Variants in ICE1 observed in about 807,000 individuals in gnomAD.
The protein encoded by ICE1 is little elongation complex subunit 1.
A neutral mutation model predicts 192.7 loss-of-function variants in ICE1; 64 were observed. The ratio of observed to expected loss-of-function variants is 0.33; its 90% CI spans 0.27 to 0.41. ICE1 has a LOEUF of 0.41. ICE1 is among the 10% of genes least tolerant of loss of function. ICE1 has a pLI of 1.00. For synonymous variants in ICE1, 1,010 were observed against 984.5 expected, an observed-to-expected ratio of 1.03 and a Z score of -0.49; for missense variants, 2,708 against 2,696.0, an observed-to-expected ratio of 1.00 and a Z score of -0.10.
intron 1 of ICE1, among the ~76,000 whole-genome samples, chr5:5,434,974 TTCAGTGTAAACCTCTG>T (rs1737827157): frequency 6.6e-6 from 1 of 152,228 alleles, no homozygotes; most frequent in Non-Finnish European, 1.5e-5. Flanking sequence ...CTTTACCTTT[TTCAGTGTAAACCTCTG>T]AAATGCATAA....
At chr5:5,435,684 G>GTTTTTTT (rs907007879) in intron 1 of ICE1, among the ~76,000 whole-genome samples, 4 of 116,634 alleles carry the variant, frequency 3.4e-5, no homozygotes, top group Admixed American at 1.1e-4. Flanking sequence ...TTTTGTTTTT[G>GTTTTTTT]TTTTTTTTTT....
At chr5:5,443,068 CTGTT>C (rs756479676) in intron 5 of ICE1, 96 bp from the exon 6 acceptor site, 7 of 635,644 alleles carry the variant, frequency 1.1e-5, no homozygotes, top group Non-Finnish European at 1.9e-5. Context: ...TGCCTAATGT[CTGTT>C]TATTTGGTTA....
chr5:5,486,380 A>G (rs1739639338), intron 17 of ICE1, among the ~76,000 whole-genome samples: 1 of 152,218 alleles, frequency 6.6e-6, no homozygotes, highest in Admixed American at 6.5e-5. Flanking sequence ...TCTGTAGACT[A>G]CACTTGAGAA....
At chr5:5,429,209 G>C (rs1237416109) in intron 1 of ICE1, among the ~76,000 whole-genome samples, 1 of 152,046 alleles carries the variant, frequency 6.6e-6, no homozygotes, top group Non-Finnish European at 1.5e-5. Context: ...TTTTACTGGG[G>C]GCTGGTCTTG....
intron 15 of ICE1, among the ~76,000 whole-genome samples, chr5:5,471,645 C>T (rs1322677030): frequency 6.6e-6 from 1 of 152,020 alleles, no homozygotes; most frequent in Non-Finnish European, 1.5e-5. Flanking sequence ...AAAATCAATA[C>T]ATTACTAAAT....
At chr5:5,468,096 G>A (rs531090758) in intron 14 of ICE1, among the ~76,000 whole-genome samples, 100 of 152,356 alleles carry the variant, frequency 6.6e-4, no homozygotes, top group African/African-American at 2.3e-3. Context: ...GACTACCAAT[G>A]CATGCAACAA....
intron 1 of ICE1, among the ~76,000 whole-genome samples, chr5:5,427,657 T>C (rs1000200564): frequency 6.6e-6 from 1 of 152,208 alleles, no homozygotes; most frequent in Non-Finnish European, 1.5e-5. Context: ...GTTTGGAACT[T>C]GAAACATTTT....
intron 17 of ICE1, among the ~76,000 whole-genome samples, chr5:5,479,082 A>G (rs1276425691): frequency 1.3e-5 from 2 of 152,104 alleles, no homozygotes; most frequent in African/African-American, 4.8e-5. Flanking sequence ...TGCAACAAAA[A>G]CCTGAATTGA....
intron 1 of ICE1, among the ~76,000 whole-genome samples, chr5:5,433,216 A>T (rs561219992): frequency 1.3e-5 from 2 of 152,300 alleles, no homozygotes; most frequent in East Asian, 3.9e-4. Context: ...CCCTGGTGTT[A>T]CAGAGACCTT....
chr5:5,472,281 A>G (rs549157939), intron 15 of ICE1, among the ~76,000 whole-genome samples: 18 of 152,336 alleles, frequency 1.2e-4, no homozygotes, highest in Middle Eastern at 3.4e-3. Flanking sequence ...TAAATATTCA[A>G]TGTTTACAAA....
chr5:5,462,401 G>A lies in ICE1; in HGVS notation c.3067G>A (p.Asp1023Asn). 1 of 1,614,056 alleles carries A rather than the reference G, an allele frequency of 6.2e-7. No homozygotes were observed. The highest frequency in any genetic ancestry group is 8.5e-7 in the Non-Finnish European group (1 of 1,179,910). ...GFSVEETSCG[D>N]TGRSGGEALA... is the part of the protein sequence containing the mutation. ...TTCTGTTGAAGAAACCAGCTGTGGAGACACAGGGAGATCTGGTGGTGAGGC... is the reference window on the plus strand; with the variant it reads ...TTCTGTTGAAGAAACCAGCTGTGGAAACACAGGGAGATCTGGTGGTGAGGC... The change falls in exon 13 of 19, where the codon GAC becomes AAC. Residue 1023 changes from aspartate (D) to asparagine (N), a missense_variant. Asp to Asn is a conservative substitution (Grantham distance 23). Transcript: ENST00000296564.
At chr5:5,438,938 C>T (rs1737957490) in intron 3 of ICE1, among the ~76,000 whole-genome samples, 1 of 152,146 alleles carries the variant, frequency 6.6e-6, no homozygotes, top group Non-Finnish European at 1.5e-5. Context: ...GTTGTTTGCT[C>T]TGCAACTTGA....
In ICE1 at chr5:5,468,938, GCTAAAGGAGAGGTT is replaced by G. The variant is rs752620457; in HGVS notation, c.6175_6188del (p.Lys2059GlufsTer8). The G allele has an allele frequency of 6.2e-7, 1 of 1,605,990 alleles. No individual in the cohort carries two copies. On this transcript the variant is annotated frameshift_variant, in exon 15 of 19. Coordinates refer to ENST00000296564, the MANE Select transcript of ICE1 (RefSeq NM_015325.3). LOFTEE classifies it high-confidence loss of function. ...AATGCAGTTAGTTGCCAGGCAACGTGCTAAAGGAGAGGTTCTGAACTGCTTGAGAGCTTTTCTTA... is the reference window on the plus strand; with the variant it reads ...AATGCAGTTAGTTGCCAGGCAACGTGCTGAACTGCTTGAGAGCTTTTCTTA...
chr5:5,426,183 C>T (rs1160520611), intron 1 of ICE1, among the ~76,000 whole-genome samples: 1 of 152,224 alleles, frequency 6.6e-6, no homozygotes, highest in Non-Finnish European at 1.5e-5. Flanking sequence ...AGCGGTGGCT[C>T]ATGCCTGTAA....
In ICE1 at chr5:5,422,704, C is replaced by T. The variant is rs1198101241; in HGVS notation, c.-212C>T. ...ACTGCGTCGCGCTCGGGGGCCGCGC[C>T]GGGTAGCGTTTCTTTTTAGTGCCTG... On this transcript the variant is annotated 5_prime_UTR_variant, in exon 1 of 19. Transcript: ENST00000296564. 16 of 347,818 alleles carry T rather than the reference C, an allele frequency of 4.6e-5. No homozygotes were observed. Among genetic ancestry groups the T allele is most frequent in the Non-Finnish European group, 7.2e-5 (14 of 194,662 alleles). The allele number at this position is 347,818 out of a possible 1,614,324, so 21.5% of individuals were successfully genotyped here.
At chr5:5,459,176 G>T (rs1055046772) in intron 12 of ICE1, among the ~76,000 whole-genome samples, 3 of 152,124 alleles carry the variant, frequency 2.0e-5, no homozygotes, top group African/African-American at 7.2e-5. Flanking sequence ...CCTGGCCACA[G>T]CTCACTTAAT....
rs1458425935 is a variant in ICE1, at chr5:5,457,705, A to G, written c.1065A>G (p.Ser355=). ...TGCCCTCGCCCCCTCCGATGTCATC[A>G]CCTCACCCGGGTTCCTTACCGTCTT... ...SPVPSPPPMS[S]PHPGSLPSSF... is the part of the protein sequence containing the mutation. The change falls in exon 12 of 19, where the codon TCA becomes TCG. Residue 355 remains serine (S), a synonymous_variant. Coordinates refer to ENST00000296564, the MANE Select transcript of ICE1 (RefSeq NM_015325.3). The G allele has an allele frequency of 1.2e-6, 2 of 1,613,004 alleles. No individual in the cohort carries two copies. Among genetic ancestry groups the G allele is most frequent in the African/African-American group, 1.3e-5 (1 of 74,792 alleles).
rs1407821427 is a variant in ICE1 at position 5,461,249 on chromosome 5, T to C, written c.1915T>C (p.Leu639=). 3.1e-6 allele frequency: 5 copies of C among 1,613,886 alleles called. No individual in the cohort carries two copies. The highest frequency in any genetic ancestry group is 4.2e-6 in the Non-Finnish European group (5 of 1,179,900). The change falls in exon 13 of 19, where the codon TTG becomes CTG. Residue 639 remains leucine, a synonymous_variant. Coordinates refer to ENST00000296564, the MANE Select transcript of ICE1 (RefSeq NM_015325.3). ...TTCTTCCTCTTCTACCTTGGTAGCATTGTCTGTTGGCAGTAATCCCCAGTC... is the reference window on the plus strand; with the variant it reads ...TTCTTCCTCTTCTACCTTGGTAGCACTGTCTGTTGGCAGTAATCCCCAGTC... ...SFSSSSTLVA[L]SVGSNPQSSS...
In ICE1 at chr5:5,463,656, T is replaced by C; in HGVS notation, c.4322T>C (p.Leu1441Pro). 1 of 1,613,924 alleles carries C rather than the reference T, an allele frequency of 6.2e-7. No homozygotes were observed. The highest frequency in any genetic ancestry group is 1.7e-5 in the Admixed American group (1 of 60,032). Residue 1441 changes from leucine (L) to proline (P), a missense_variant, in exon 13 of 19, where the codon CTG (leucine) becomes CCG (proline). Physicochemically the swap from Leu to Pro is moderately conservative, Grantham distance 98 (BLOSUM62 -3). This residue lies in a region of ICE1 where 2,366 missense variants were observed against 2,276.6 expected (regional missense o/e 1.04). Coordinates refer to ENST00000296564, the MANE Select transcript of ICE1 (RefSeq NM_015325.3). The part of the protein sequence containing the change: ...AVLPHVDQVT[L>P]CDIPGDIPIS... ...TTGCCACATGTGGACCAGGTCACAC[T>C]GTGTGACATTCCTGGAGACATCCCT... is the stretch of plus-strand genomic sequence containing the variant.
Sources: allele counts gnomAD v4.1 joint callset (sites outside exome capture counted in the v4.1 genomes callset), GRCh38; gene constraint gnomAD v4.1.1; regional missense constraint gnomAD v4.1.1; transcripts MANE v1.5; gene names NCBI Gene and HGNC (gene_info 2026-07-23, HGNC 2026-07-21).